Variants in ZPBP observed in about 807,000 individuals in gnomAD.
The protein encoded by ZPBP is zona pellucida-binding protein 1.
Under a neutral mutation model 44.8 loss-of-function variants are expected in ZPBP, and 26 were observed. The ratio of observed to expected loss-of-function variants is 0.58; its 90% CI spans 0.43 to 0.81. ZPBP has a LOEUF of 0.81. Ranked by LOEUF, ZPBP falls within the 30% of genes least tolerant of loss-of-function variation. ZPBP has a pLI of 0.00. For synonymous variants in ZPBP, 174 were observed against 153.2 expected (o/e 1.14, Z -1.00); for missense variants, 409 against 434.0 (o/e 0.94, Z 0.51).
At chr7:50,031,670 CTA>C (rs1028502040) in intron 4 of ZPBP, among the ~76,000 whole-genome samples, 3 of 152,128 alleles carry the variant, frequency 2.0e-5, no homozygotes, top group African/African-American at 7.2e-5. Context: ...TACCTCAACA[CTA>C]TGCTGCTCAA....
At chr7:49,916,395 T>C (rs1188481482) in intron 1 of ZPBP, 4 of 152,204 alleles carry the variant, frequency 2.6e-5, no homozygotes, top group African/African-American at 9.7e-5. Flanking sequence ...CTTTGCAGCA[T>C]GTTGAGTATT....
intron 4 of ZPBP, among the ~76,000 whole-genome samples, chr7:50,048,100 C>T (rs1367167785): frequency 6.6e-6 from 1 of 152,028 alleles, no homozygotes. Context: ...GCTTCTCCTA[C>T]AGAGTCAGGT....
chr7:50,092,559 T>C (rs563694048), intron 1 of ZPBP, among the ~76,000 whole-genome samples: 1 of 152,368 alleles, frequency 6.6e-6, no homozygotes, highest in Non-Finnish European at 1.5e-5. Flanking sequence ...TGTTTGTTCA[T>C]CAGTATCTTA....
chr7:50,056,929 T>C (rs1440856142), intron 4 of ZPBP, among the ~76,000 whole-genome samples: 1 of 152,126 alleles, frequency 6.6e-6, no homozygotes, highest in Non-Finnish European at 1.5e-5. Flanking sequence ...CTCATGCCTG[T>C]AATCCCAGCA....
In ZPBP at chr7:50,013,713, C is replaced by G. The variant is rs553103146; in HGVS notation, c.783+4527G>C. ...TTAAGAGTGATATGTCAGAGATGAC[C>G]CCGATATGAAAGACTCAATAGATTA... On this transcript the variant is annotated intron_variant, in intron 6 of 7. Coordinates refer to ENST00000046087, the MANE Select transcript of ZPBP (RefSeq NM_007009.3). 6.6e-5 allele frequency among the ~76,000 whole-genome samples: 10 copies of G among 151,604 alleles called. No individual in the cohort carries two copies. The South Asian group carries it at 1.7e-3, about 25-fold the overall frequency.
At chr7:49,948,054 T>C (rs1795177976) in intron 7 of ZPBP, among the ~76,000 whole-genome samples, 1 of 152,196 alleles carries the variant, frequency 6.6e-6, no homozygotes, top group African/African-American at 2.4e-5. Flanking sequence ...AGTCAGCTTG[T>C]GGTGAATGCT....
intron 6 of ZPBP, among the ~76,000 whole-genome samples, chr7:49,987,626 T>C (rs1409731963): frequency 6.6e-6 from 1 of 152,074 alleles, no homozygotes; most frequent in African/African-American, 2.4e-5. Context: ...TTTTTAGCCT[T>C]AGAGAGTTCC....
At chr7:50,084,514 G>A (rs937957601) in intron 2 of ZPBP, among the ~76,000 whole-genome samples, 20 of 151,742 alleles carry the variant, frequency 1.3e-4, no homozygotes, top group African/African-American at 4.8e-4. Context: ...AAAGGCGAAC[G>A]AGTTAAAAAG....
intron 6 of ZPBP, among the ~76,000 whole-genome samples, chr7:49,989,232 G>C (rs1433301052): frequency 6.6e-6 from 1 of 152,148 alleles, no homozygotes; most frequent in African/African-American, 2.4e-5. Flanking sequence ...GGAGAAACTG[G>C]CCTCATACCT....
At chr7:49,871,585 C>T (rs565938644) in intron 2 of ZPBP, among the ~76,000 whole-genome samples, 1 of 151,840 alleles carries the variant, frequency 6.6e-6, no homozygotes, top group African/African-American at 2.4e-5. Context: ...ATTTTTCCTA[C>T]AAGAAGCATT....
intron 7 of ZPBP, among the ~76,000 whole-genome samples, chr7:49,961,181 T>C (rs1050632584): frequency 6.6e-6 from 1 of 152,192 alleles, no homozygotes; most frequent in Non-Finnish European, 1.5e-5. Flanking sequence ...GAAGCTTTAT[T>C]TGTAATGGCC....
At chr7:49,869,445 G>T (rs1210362316) in intron 2 of ZPBP, among the ~76,000 whole-genome samples, 1 of 152,186 alleles carries the variant, frequency 6.6e-6, no homozygotes, top group Non-Finnish European at 1.5e-5. Flanking sequence ...CTACACTAGG[G>T]TAGCAAATCG....
At chr7:50,033,677 A>AGTTTGTTTGTTTGTTTGTTT (rs1170592952) in intron 4 of ZPBP, among the ~76,000 whole-genome samples, 1 of 46,236 alleles carries the variant, frequency 2.2e-5, no homozygotes, top group African/African-American at 9.1e-5. Context: ...TTCTTTCTAC[A>AGTTTGTTTGTTTGTTTGTTT]GTTTATTTAT....
chr7:50,035,003 G>A lies in ZPBP; in HGVS notation c.488-3693C>T, dbSNP rs148766329. 4.6e-5 allele frequency among the ~76,000 whole-genome samples: 7 copies of A among 152,338 alleles called. No individual in the cohort carries two copies. In the East Asian group the frequency reaches 1.3e-3, roughly 29 times the overall value. ...TTAGCCTCTATTTGCCCGATGGCAG[G>A]ACACCAATCCTTCCTTACTGGAGAC... is the stretch of plus-strand genomic sequence containing the variant. On this transcript the variant is annotated intron_variant, in intron 4 of 7. Coordinates refer to ENST00000046087, the MANE Select transcript of ZPBP (RefSeq NM_007009.3).
chr7:49,933,615 C>T (rs548630128), downstream of ZPBP, among the ~76,000 whole-genome samples: 7 of 152,188 alleles, frequency 4.6e-5, no homozygotes, highest in South Asian at 8.3e-4. Flanking sequence ...ATGTTTATTG[C>T]GGCACTATTT....
chr7:49,931,221 ATTGGTACTGG>A (rs1794432078), intron 1 of ZPBP, among the ~76,000 whole-genome samples: 1 of 152,178 alleles, frequency 6.6e-6, no homozygotes, highest in Non-Finnish European at 1.5e-5. Flanking sequence ...AATACAGTAC[ATTGGTACTGG>A]GAGTGGGGCA....
At chr7:49,947,561 CAG>C (rs1795154621) in intron 7 of ZPBP, among the ~76,000 whole-genome samples, 2 of 152,324 alleles carry the variant, frequency 1.3e-5, no homozygotes, top group South Asian at 2.1e-4. Flanking sequence ...TGCAAACAAA[CAG>C]AGTCTCTCTG....
intron 3 of ZPBP, among the ~76,000 whole-genome samples, chr7:50,059,830 CCTT>C (rs1488961557): frequency 6.6e-6 from 1 of 151,952 alleles, no homozygotes; most frequent in East Asian, 1.9e-4. Context: ...CCCCTGACTG[CCTT>C]CTTATTTAAA....
At chr7:49,991,005 T>C (rs937671347) in intron 6 of ZPBP, among the ~76,000 whole-genome samples, 6 of 152,210 alleles carry the variant, frequency 3.9e-5, no homozygotes, top group Non-Finnish European at 8.8e-5. Context: ...GAACTAGTAT[T>C]TACAAGGTGT....
Sources: gnomAD v4.1 joint callset for allele counts (sites outside exome capture counted in the v4.1 genomes callset) on GRCh38, gnomAD v4.1.1 for gene constraint, MANE v1.5 for transcripts, NCBI Gene and HGNC (gene_info 2026-07-23, HGNC 2026-07-21) for gene names.